The following ERBB4 variants were observed in gnomAD, a reference collection of about 807,000 sequenced individuals.
ERBB4 encodes the protein erb-b2 receptor tyrosine kinase 4.
ERBB4 carries 42 observed loss-of-function variants against 158.0 expected under a neutral mutation model. The ratio of observed to expected loss-of-function variants is 0.27; its 90% CI spans 0.21 to 0.34. The LOEUF is 0.34. Among genes scored for constraint, ERBB4 ranks in the 10% least tolerant of loss-of-function variants. ERBB4 has a pLI of 1.00. For missense variants in ERBB4, 1,333 were observed against 1,624.1 expected, an observed-to-expected ratio of 0.82 and a Z score of 3.08; for synonymous variants, 583 against 558.7, an observed-to-expected ratio of 1.04 and a Z score of -0.61.
chr2:211,925,746 A>G (rs1212913526), intron 3 of ERBB4, among the ~76,000 whole-genome samples: 1 of 152,222 alleles, frequency 6.6e-6, no homozygotes, highest in Non-Finnish European at 1.5e-5. Context: ...TAAGATTATG[A>G]AACATTTTGT....
chr2:211,953,715 A>G (rs1471948819), intron 2 of ERBB4, among the ~76,000 whole-genome samples: 3 of 152,062 alleles, frequency 2.0e-5, no homozygotes, highest in South Asian at 4.1e-4. Flanking sequence ...ACAATCGGAT[A>G]TTATTAAAGC....
intron 1 of ERBB4, among the ~76,000 whole-genome samples, chr2:212,343,244 C>A (rs1281347946): frequency 6.6e-6 from 1 of 152,136 alleles, no homozygotes; most frequent in Admixed American, 6.6e-5. Flanking sequence ...CTATGTGGAT[C>A]TAAGTCTCAA....
At chr2:212,239,052 C>A (rs1255638165) in intron 1 of ERBB4, among the ~76,000 whole-genome samples, 1 of 152,062 alleles carries the variant, frequency 6.6e-6, no homozygotes, top group Non-Finnish European at 1.5e-5. Flanking sequence ...GATTTAATTT[C>A]TTTTTTAAAA....
intron 19 of ERBB4, among the ~76,000 whole-genome samples, chr2:211,573,556 G>A (rs2067800218): frequency 6.6e-6 from 1 of 152,092 alleles, no homozygotes; most frequent in South Asian, 2.1e-4. Flanking sequence ...TGTAGTCCCA[G>A]CTACCCGGGA....
chr2:211,906,211 T>C (rs927122691), intron 3 of ERBB4, among the ~76,000 whole-genome samples: 1 of 152,118 alleles, frequency 6.6e-6, no homozygotes, highest in Non-Finnish European at 1.5e-5. Context: ...GATTGTACCA[T>C]AGTGGAAGCA....
intron 4 of ERBB4, among the ~76,000 whole-genome samples, chr2:211,758,596 G>C (rs2075337821): frequency 6.6e-6 from 1 of 152,244 alleles, no homozygotes; most frequent in South Asian, 2.1e-4. Context: ...TAAATAAGGG[G>C]TCTGAACTAA....
intron 1 of ERBB4, among the ~76,000 whole-genome samples, chr2:212,411,983 G>C (rs568645266): frequency 1.3e-5 from 2 of 152,130 alleles, no homozygotes; most frequent in African/African-American, 4.8e-5. Flanking sequence ...TCAACTCTGG[G>C]AGTTCAACAC....
intron 1 of ERBB4, among the ~76,000 whole-genome samples, chr2:212,138,293 C>T (rs2080337364): frequency 1.3e-5 from 2 of 152,180 alleles, no homozygotes; most frequent in African/African-American, 2.4e-5. Context: ...AAGAAATTTC[C>T]TGGGCATAAC....
chr2:212,115,008 A>G (rs1011249935), intron 2 of ERBB4, among the ~76,000 whole-genome samples: 6 of 152,338 alleles, frequency 3.9e-5, no homozygotes, highest in African/African-American at 1.4e-4. Flanking sequence ...GAGTAGCACT[A>G]AATTATTTAA....
intron 1 of ERBB4, among the ~76,000 whole-genome samples, chr2:212,305,892 T>C (rs955503777): frequency 1.3e-5 from 2 of 151,398 alleles, no homozygotes; most frequent in Admixed American, 6.6e-5. Flanking sequence ...AAGTGGTTAT[T>C]CTGAGAAAAT....
intron 1 of ERBB4, among the ~76,000 whole-genome samples, chr2:212,389,198 C>G (rs1322709967): frequency 6.6e-6 from 1 of 151,960 alleles, no homozygotes; most frequent in Non-Finnish European, 1.5e-5. Context: ...GATGTAGTTA[C>G]ATAATGATTA....
At chr2:212,399,547 T>TAC (rs1427583621) in intron 1 of ERBB4, among the ~76,000 whole-genome samples, 6 of 10,356 alleles carry the variant, frequency 5.8e-4, no homozygotes, top group Non-Finnish European at 1.0e-3. Flanking sequence ...TATATATACA[T>TAC]ATATATATAT....
intron 2 of ERBB4, among the ~76,000 whole-genome samples, chr2:212,003,247 A>C (rs1027314101): frequency 8.3e-6 from 1 of 120,190 alleles, no homozygotes; most frequent in African/African-American, 2.9e-5. Flanking sequence ...GAAGGAAGGA[A>C]GGAAGGAAGG....
chr2:212,167,119 G>A (rs1013895680), intron 1 of ERBB4, among the ~76,000 whole-genome samples: 9 of 152,138 alleles, frequency 5.9e-5, no homozygotes, highest in African/African-American at 1.2e-4. Context: ...AAGAGTTTCC[G>A]CACAGCAAAA....
intron 4 of ERBB4, among the ~76,000 whole-genome samples, chr2:211,773,634 A>ATATATATATAT (rs2075789410): frequency 1.2e-5 from 1 of 84,262 alleles, no homozygotes; most frequent in African/African-American, 5.5e-5. Flanking sequence ...ATATATATAT[A>ATATATATATAT]TATATATATA....
chr2:211,551,333 A>G (rs1040750008), intron 20 of ERBB4, among the ~76,000 whole-genome samples: 2 of 152,200 alleles, frequency 1.3e-5, no homozygotes, highest in African/African-American at 2.4e-5. Flanking sequence ...ATAAGCTATC[A>G]TCTTTTTTCT....
intron 7 of ERBB4, among the ~76,000 whole-genome samples, chr2:211,721,059 A>G (rs988128826): frequency 1.3e-5 from 2 of 152,140 alleles, no homozygotes; most frequent in Non-Finnish European, 2.9e-5. Flanking sequence ...AAATCTGGGT[A>G]TGCAAGGAAA....
chr2:212,464,714 C>T, intron 1 of ERBB4, among the ~76,000 whole-genome samples: 1 of 151,880 alleles, frequency 6.6e-6, no homozygotes, highest in Non-Finnish European at 1.5e-5. Context: ...CCTATTGACC[C>T]CAAATAAGTT....
At chr2:211,826,800 T>C (rs1437984438) in intron 3 of ERBB4, among the ~76,000 whole-genome samples, 1 of 152,076 alleles carries the variant, frequency 6.6e-6, no homozygotes. Flanking sequence ...ATTCATATGC[T>C]ATATGTGTAT....
Sources: allele counts gnomAD v4.1 joint callset (sites outside exome capture counted in the v4.1 genomes callset), GRCh38; gene constraint gnomAD v4.1.1; transcripts MANE v1.5; gene names NCBI Gene and HGNC (gene_info 2026-07-23, HGNC 2026-07-21).